EEFSEC: variants seen among roughly 807,000 people sequenced by gnomAD.
EEFSEC encodes eukaryotic elongation factor, selenocysteine-tRNA specific, also known as selenocysteine-specific elongation factor.
A neutral mutation model predicts 42.1 loss-of-function variants in EEFSEC; 43 were observed. That is an observed-to-expected ratio of 1.02 (90% CI 0.80 to 1.32). The LOEUF (loss-of-function observed/expected upper bound fraction) is 1.32. Among genes scored for constraint, EEFSEC ranks in the 40% most tolerant of loss-of-function variants. The probability of loss-of-function intolerance (pLI) is 0.00; values close to 1 mark genes in which losing one functional copy is unlikely to be tolerated. For synonymous variants in EEFSEC, 354 were observed against 339.1 expected (o/e 1.04, Z -0.48); for missense variants, 745 against 803.6 (o/e 0.93, Z 0.88).
intron 6 of EEFSEC, among the ~76,000 whole-genome samples, chr3:128,381,527 G>A (rs545748620): frequency 2.0e-5 from 3 of 152,190 alleles, no homozygotes; most frequent in Admixed American, 6.5e-5. Flanking sequence ...CCTGAACAGC[G>A]CCAGAGCTCT....
At chr3:128,305,970 A>C (rs1434964374) in intron 4 of EEFSEC, among the ~76,000 whole-genome samples, 1 of 152,168 alleles carries the variant, frequency 6.6e-6, no homozygotes, top group East Asian at 1.9e-4. Flanking sequence ...ACTGTATGTT[A>C]CTTTCTAGAT....
At chr3:128,314,054 A>G (rs2066918455) in intron 4 of EEFSEC, among the ~76,000 whole-genome samples, 1 of 152,262 alleles carries the variant, frequency 6.6e-6, no homozygotes, top group African/African-American at 2.4e-5. Flanking sequence ...GTACATGTGG[A>G]TGTCTGTTTA....
chr3:128,331,504 C>T (rs1226748104), intron 4 of EEFSEC, among the ~76,000 whole-genome samples: 3 of 150,718 alleles, frequency 2.0e-5, no homozygotes, highest in Non-Finnish European at 4.4e-5. Flanking sequence ...CTCAATGCAT[C>T]TCCCCTCTTC....
Position 128,153,722 on chromosome 3 carries a change from A to G in EEFSEC, c.215A>G (p.Gln72Arg). The G allele has an allele frequency of 6.4e-7, 1 of 1,572,998 alleles. No individual in the cohort carries two copies. Among genetic ancestry groups the G allele is most frequent in the African/African-American group, 1.4e-5 (1 of 72,986 alleles). ...ARLRSSLPEF[Q>R]AAPEAEPEPG... ...CTGCGGTCGTCTTTGCCCGAGTTCC[A>G]GGCAGCGCCCGAGGCCGAGCCCGAG... Residue 72 changes from glutamine to arginine, a missense_variant, in exon 1 of 7, where the codon CAG becomes CGG. By Grantham distance (43) the Gln-to-Arg change is conservative. Coordinates refer to ENST00000254730, the MANE Select transcript of EEFSEC (RefSeq NM_021937.5).
chr3:128,244,695 A>T (rs1475133545), intron 1 of EEFSEC, among the ~76,000 whole-genome samples: 1 of 152,200 alleles, frequency 6.6e-6, no homozygotes, highest in Non-Finnish European at 1.5e-5. Flanking sequence ...CCAAGTCATT[A>T]GTTTCTTTTG....
Position 128,153,707 on chromosome 3 carries a change from C to T in EEFSEC, c.200C>T (p.Ser67Phe). 1.3e-6 allele frequency: 2 copies of T among 1,588,490 alleles called. No individual in the cohort carries two copies. The highest frequency in any genetic ancestry group is 1.7e-6 in the Non-Finnish European group (2 of 1,175,512). Residue 67 changes from serine to phenylalanine, a missense_variant, in exon 1 of 7, where the codon TCT becomes TTT. Coordinates refer to ENST00000254730, the MANE Select transcript of EEFSEC (RefSeq NM_021937.5). ...SVPLPARLRS[S>F]LPEFQAAPEA... ...CCGCTGCCCGCGCGCCTGCGGTCGT[C>T]TTTGCCCGAGTTCCAGGCAGCGCCC...
At chr3:128,193,136 C>G (rs896018385) in intron 1 of EEFSEC, among the ~76,000 whole-genome samples, 1 of 152,218 alleles carries the variant, frequency 6.6e-6, no homozygotes, top group East Asian at 1.9e-4. Context: ...GTGTCCTCCT[C>G]CCAAGGAGTG....
chr3:128,380,917 C>T (rs1469936835), intron 6 of EEFSEC, among the ~76,000 whole-genome samples: 1 of 152,234 alleles, frequency 6.6e-6, no homozygotes, highest in Non-Finnish European at 1.5e-5. Flanking sequence ...TTATCTGACT[C>T]ACCGTTCCCG....
chr3:128,197,552 T>C (rs1417814854), intron 1 of EEFSEC, among the ~76,000 whole-genome samples: 1 of 152,188 alleles, frequency 6.6e-6, no homozygotes, highest in Non-Finnish European at 1.5e-5. Flanking sequence ...GGATTACAGG[T>C]GTGAGCCACT....
chr3:128,302,240 G>T (rs1050365661), intron 4 of EEFSEC, among the ~76,000 whole-genome samples: 1 of 152,154 alleles, frequency 6.6e-6, no homozygotes, highest in African/African-American at 2.4e-5. Flanking sequence ...GTGGTAGAAA[G>T]ATGCTATTTT....
intron 4 of EEFSEC, among the ~76,000 whole-genome samples, chr3:128,276,682 C>T (rs971218585): frequency 2.0e-5 from 3 of 152,176 alleles, no homozygotes; most frequent in Non-Finnish European, 2.9e-5. Flanking sequence ...AGGCAGGTCC[C>T]ATTTCTGTTC....
At chr3:128,248,628 G>GT (rs1452209335) in intron 2 of EEFSEC, among the ~76,000 whole-genome samples, 3 of 152,150 alleles carry the variant, frequency 2.0e-5, no homozygotes, top group Non-Finnish European at 4.4e-5. Context: ...TGATCTCCCT[G>GT]TCGTTTTATT....
At chr3:128,320,183 A>G (rs1418811422) in intron 4 of EEFSEC, among the ~76,000 whole-genome samples, 1 of 152,228 alleles carries the variant, frequency 6.6e-6, no homozygotes, top group Non-Finnish European at 1.5e-5. Flanking sequence ...CACCTTCTCC[A>G]GGAGAGCTTG....
rs754661809 is a variant in EEFSEC at position 128,341,761 on chromosome 3, A to G, written c.1315A>G (p.Thr439Ala). 19 of 1,614,070 alleles carry G rather than the reference A, an allele frequency of 1.2e-5. No homozygotes were observed. The South Asian group carries it at 2.0e-4, about 17-fold the overall frequency. Residue 439 changes from threonine (T) to alanine (A), a missense_variant, in exon 5 of 7, where the codon ACC becomes GCC. By Grantham distance (58) the Thr-to-Ala change is moderately conservative (BLOSUM62 0). Transcript: ENST00000254730. The stretch of plus-strand genomic sequence containing the variant: ...CTCCAGGCTAGATGCGGACATTCAC[A>G]CCAACACGTGCCGGCTAGCCTTCCA... ...IGSRLDADIH[T>A]NTCRLAFHGI...
At chr3:128,256,743 G>GT (rs1318512435) in intron 2 of EEFSEC, among the ~76,000 whole-genome samples, 1 of 152,138 alleles carries the variant, frequency 6.6e-6, no homozygotes, top group African/African-American at 2.4e-5. Flanking sequence ...GCTATATTCT[G>GT]TATGTTCTTC....
At chr3:128,196,241 G>A (rs1283693014) in intron 1 of EEFSEC, among the ~76,000 whole-genome samples, 1 of 152,240 alleles carries the variant, frequency 6.6e-6, no homozygotes, top group African/African-American at 2.4e-5. Flanking sequence ...ATTCGTTTAT[G>A]ATCAATTAAA....
intron 5 of EEFSEC, among the ~76,000 whole-genome samples, chr3:128,354,831 T>A (rs886434713): frequency 6.6e-6 from 1 of 152,202 alleles, no homozygotes; most frequent in African/African-American, 2.4e-5. Context: ...ATAGGTAGCA[T>A]GCCTGCTATC....
At chr3:128,362,919 G>T (rs1390577234) in intron 6 of EEFSEC, among the ~76,000 whole-genome samples, 8 of 152,114 alleles carry the variant, frequency 5.3e-5, no homozygotes, top group Non-Finnish European at 8.8e-5. Context: ...CTTACTTTTG[G>T]TGATCTTTAA....
At position 128,352,008 on chromosome 3, in the gene EEFSEC, G is replaced by T. The variant is rs539696623; in HGVS notation, c.1444-6209G>T. 5.3e-5 allele frequency among the ~76,000 whole-genome samples: 8 copies of T among 152,298 alleles called. No individual in the cohort carries two copies. In the South Asian group the frequency reaches 1.7e-3, roughly 32 times the overall value. Reference sequence around the variant, plus strand: ...ATTTCAAAATGAAAACCCTCCAACTGTTCTCTGAAGGTCTTTCCTCATTGG... The same window carrying T: ...ATTTCAAAATGAAAACCCTCCAACTTTTCTCTGAAGGTCTTTCCTCATTGG... On this transcript the variant is annotated intron_variant, in intron 5 of 6. Coordinates refer to ENST00000254730, the MANE Select transcript of EEFSEC (RefSeq NM_021937.5).
Sources: gnomAD v4.1 joint callset for allele counts (sites outside exome capture counted in the v4.1 genomes callset) on GRCh38, gnomAD v4.1.1 for gene constraint, MANE v1.5 for transcripts, NCBI Gene and HGNC (gene_info 2026-07-23, HGNC 2026-07-21) for gene names.